SPIN1: variants seen among roughly 807,000 people sequenced by gnomAD.
The protein encoded by SPIN1 is spindlin-1.
In SPIN1, 3 loss-of-function variants were observed where a neutral mutation model predicts 26.0. That is an observed-to-expected ratio of 0.12 (90% CI 0.05 to 0.30). The LOEUF is 0.30. Ranked by LOEUF, SPIN1 falls within the 10% of genes least tolerant of loss-of-function variation. SPIN1 has a pLI of 1.00. For missense variants in SPIN1, 126 were observed against 333.4 expected (o/e 0.38, Z 4.84); for synonymous variants, 101 against 116.5 (o/e 0.87, Z 0.86).
At chr9:88,453,167 A>G (rs1220714522) in intron 3 of SPIN1, among the ~76,000 whole-genome samples, 1 of 151,958 alleles carries the variant, frequency 6.6e-6, no homozygotes, top group Non-Finnish European at 1.5e-5. Flanking sequence ...TTTTCCCAAT[A>G]AGCCTTTTGC....
chr9:88,473,981 T>G (rs577497380), intron 5 of SPIN1, among the ~76,000 whole-genome samples: 1 of 152,226 alleles, frequency 6.6e-6, no homozygotes, highest in Non-Finnish European at 1.5e-5. Flanking sequence ...TTCTTGTGAC[T>G]CTTAGTACCA....
At chr9:88,449,529 G>A (rs558016326) in intron 3 of SPIN1, among the ~76,000 whole-genome samples, 1 of 152,100 alleles carries the variant, frequency 6.6e-6, no homozygotes, top group Non-Finnish European at 1.5e-5. Flanking sequence ...CTGACAGTGT[G>A]TTCTCAATCC....
chr9:88,390,012 T>C (rs1587765138), intron 1 of SPIN1, among the ~76,000 whole-genome samples: 1 of 152,290 alleles, frequency 6.6e-6, no homozygotes. Flanking sequence ...GATTTGATAA[T>C]TATATATTAA....
At chr9:88,466,159 G>A (rs1409641141) in intron 4 of SPIN1, among the ~76,000 whole-genome samples, 2 of 151,950 alleles carry the variant, frequency 1.3e-5, no homozygotes, top group African/African-American at 4.8e-5. Flanking sequence ...TTCCATTTAT[G>A]TTTTAATTTT....
intron 1 of SPIN1, among the ~76,000 whole-genome samples, chr9:88,398,047 C>T (rs1460342735): frequency 3.3e-5 from 5 of 151,812 alleles, no homozygotes; most frequent in African/African-American, 4.8e-5. Context: ...CTCAGCCTCC[C>T]GCGTAGCTGA....
chr9:88,459,346 A>G (rs1472813123), intron 3 of SPIN1, among the ~76,000 whole-genome samples: 1 of 152,214 alleles, frequency 6.6e-6, no homozygotes, highest in Non-Finnish European at 1.5e-5. Context: ...CGTAGAGGCC[A>G]ATTGGATGTT....
intron 1 of SPIN1, among the ~76,000 whole-genome samples, chr9:88,394,832 CAG>C (rs1298052766): frequency 1.8e-4 from 23 of 125,720 alleles, no homozygotes; most frequent in African/African-American, 7.1e-4. Flanking sequence ...TTTTTTGAGA[CAG>C]AGTCTCGCTC....
At chr9:88,455,379 C>T (rs906261050) in intron 3 of SPIN1, among the ~76,000 whole-genome samples, 8 of 152,238 alleles carry the variant, frequency 5.3e-5, no homozygotes, top group East Asian at 1.9e-4. Flanking sequence ...TCGCTTGAAC[C>T]GGGGAGACAG....
At chr9:88,400,851 A>AG (rs1827171442) in intron 1 of SPIN1, among the ~76,000 whole-genome samples, 1 of 151,932 alleles carries the variant, frequency 6.6e-6, no homozygotes, top group African/African-American at 2.4e-5. Flanking sequence ...CCTCAAAAAA[A>AG]AAAAAAAAAA....
intron 1 of SPIN1, among the ~76,000 whole-genome samples, chr9:88,393,493 T>A: frequency 7.3e-6 from 1 of 136,504 alleles, no homozygotes; most frequent in East Asian, 2.2e-4. Context: ...TCTCCCTCTG[T>A]CACCAGGCTG....
rs146414925 is a variant in SPIN1 at position 88,425,966 on chromosome 9, T to C, written c.-158-416T>C. Among the ~76,000 whole-genome samples, 466 of 152,226 alleles carry C rather than the reference T, an allele frequency of 3.1e-3. 2 individuals carry two copies. The highest frequency in any genetic ancestry group is 0.01 in the African/African-American group (435 of 41,538). ...TCCCCAGTAACCTCACACCCCTGTC[T>C]CCCACCCCCATACTCTGTTTCTTTG... On this transcript the variant is annotated intron_variant, in intron 1 of 5. Transcript: ENST00000375859.
intron 2 of SPIN1, among the ~76,000 whole-genome samples, chr9:88,448,242 C>A (rs748747415): frequency 8.5e-5 from 13 of 152,114 alleles, no homozygotes; most frequent in Admixed American, 2.6e-4. Flanking sequence ...CAGGGTTTCA[C>A]CATCTTGGCC....
At chr9:88,395,257 T>C (rs1484302199) in intron 1 of SPIN1, among the ~76,000 whole-genome samples, 1 of 152,112 alleles carries the variant, frequency 6.6e-6, no homozygotes, top group Non-Finnish European at 1.5e-5. Context: ...TTTTGCTTTG[T>C]TTTTCTGATA....
chr9:88,437,877 T>G (rs924502478), intron 2 of SPIN1, among the ~76,000 whole-genome samples: 2 of 152,184 alleles, frequency 1.3e-5, no homozygotes, highest in Non-Finnish European at 2.9e-5. Flanking sequence ...GATCTTTCTT[T>G]ATCTGGGCGT....
chr9:88,389,173 C>G (rs926599228), intron 1 of SPIN1, among the ~76,000 whole-genome samples: 1 of 152,166 alleles, frequency 6.6e-6, no homozygotes, highest in East Asian at 1.9e-4. Flanking sequence ...GTCCTCGCGC[C>G]CGCGCAGCCC....
intron 4 of SPIN1, among the ~76,000 whole-genome samples, chr9:88,464,334 A>G (rs1256195997): frequency 6.6e-6 from 1 of 152,224 alleles, no homozygotes; most frequent in Admixed American, 6.5e-5. Context: ...ACTTTAGTCT[A>G]AAAAATTACT....
rs1398565413 is a variant in SPIN1, at chr9:88,410,362, C to T, written c.-158-16020C>T. On this transcript the variant is annotated intron_variant, in intron 1 of 5. Coordinates refer to ENST00000375859, the MANE Select transcript of SPIN1 (RefSeq NM_006717.3). ...TTATACAATTAGTCACAAATACAGTCCTCGAGTTTTTTGCCCATATACATG... is the reference window on the plus strand; with the variant it reads ...TTATACAATTAGTCACAAATACAGTTCTCGAGTTTTTTGCCCATATACATG... Among the ~76,000 whole-genome samples, 3 of 152,224 alleles carry T rather than the reference C, an allele frequency of 2.0e-5. 1 individual carries two copies. Among genetic ancestry groups the T allele is most frequent in the Admixed American group, 1.3e-4 (2 of 15,276 alleles).
intron 2 of SPIN1, among the ~76,000 whole-genome samples, chr9:88,432,434 C>T (rs1337982240): frequency 2.0e-5 from 3 of 151,172 alleles, no homozygotes; most frequent in African/African-American, 7.3e-5. Flanking sequence ...GTGATCCATC[C>T]ACTTCTGCCT....
rs140554521 is a variant in SPIN1 at position 88,433,952 on chromosome 9, T to C, written c.52+7361T>C. ...AAGGAAACAACTTTGAACATTGAACTGACAGCGTTTGAGGACCTCCTTTAC... is the reference window on the plus strand; with the variant it reads ...AAGGAAACAACTTTGAACATTGAACCGACAGCGTTTGAGGACCTCCTTTAC... On this transcript the variant is annotated intron_variant, in intron 2 of 5. Transcript: ENST00000375859. Among the ~76,000 whole-genome samples, 14 of 152,222 alleles carry C rather than the reference T, an allele frequency of 9.2e-5. 1 individual carries two copies. The highest frequency in any genetic ancestry group is 3.4e-4 in the African/African-American group (14 of 41,556).
Sources: gnomAD v4.1 joint callset for allele counts (sites outside exome capture counted in the v4.1 genomes callset) on GRCh38, gnomAD v4.1.1 for gene constraint, MANE v1.5 for transcripts, NCBI Gene and HGNC (gene_info 2026-07-23, HGNC 2026-07-21) for gene names.